The following PDE4D variants were observed in gnomAD, a reference collection of about 807,000 sequenced individuals.
The protein encoded by PDE4D is 3',5'-cyclic-AMP phosphodiesterase 4D.
In PDE4D, 24 loss-of-function variants were observed where a neutral mutation model predicts 87.4. The ratio of observed to expected loss-of-function variants is 0.27; its 90% confidence interval spans 0.20 to 0.39. PDE4D has a LOEUF of 0.39. Ranked by LOEUF, PDE4D falls within the 10% of genes least tolerant of loss-of-function variation. The pLI is 1.00. For missense variants in PDE4D, 714 were observed against 1,041.0 expected, an observed-to-expected ratio of 0.69 and a Z score of 4.32; for synonymous variants, 384 against 383.2, an observed-to-expected ratio of 1.00 and a Z score of -0.02.
intron 5 of PDE4D, among the ~76,000 whole-genome samples, chr5:59,176,594 T>C (rs1295661219): frequency 6.6e-6 from 1 of 152,032 alleles, no homozygotes; most frequent in Non-Finnish European, 1.5e-5. Flanking sequence ...CTGGCTTTAA[T>C]ACATGTCAAA....
intron 1 of PDE4D, among the ~76,000 whole-genome samples, chr5:59,465,363 T>C (rs1438700567): frequency 6.6e-6 from 1 of 152,126 alleles, no homozygotes; most frequent in African/African-American, 2.4e-5. Flanking sequence ...GGAACACATA[T>C]CCATACATGT....
chr5:60,018,241 C>T (rs1765714444), intron 2 of PDE4D, among the ~76,000 whole-genome samples: 1 of 151,438 alleles, frequency 6.6e-6, no homozygotes, highest in Admixed American at 6.6e-5. Context: ...AGCAGCCAAA[C>T]TAAACTTCAT....
At chr5:60,186,169 T>C (rs1052453340) in intron 1 of PDE4D, among the ~76,000 whole-genome samples, 2 of 152,168 alleles carry the variant, frequency 1.3e-5, no homozygotes, top group East Asian at 1.9e-4. Context: ...CAATAATCAA[T>C]AGTACCTTGA....
At chr5:59,942,445 C>T (rs1340021510) in intron 3 of PDE4D, among the ~76,000 whole-genome samples, 3 of 152,110 alleles carry the variant, frequency 2.0e-5, no homozygotes, top group Non-Finnish European at 2.9e-5. Flanking sequence ...CATGGAAGCC[C>T]TTTAATCAGC....
chr5:59,323,124 A>G (rs1405055246), intron 1 of PDE4D, among the ~76,000 whole-genome samples: 2 of 152,214 alleles, frequency 1.3e-5, no homozygotes, highest in South Asian at 2.1e-4. Context: ...GACTGTTATC[A>G]TTCCTTAAAT....
intron 2 of PDE4D, among the ~76,000 whole-genome samples, chr5:60,048,401 T>C (rs1769599859): frequency 6.6e-6 from 1 of 152,174 alleles, no homozygotes; most frequent in African/African-American, 2.4e-5. Context: ...AATTTGGTCC[T>C]GTCATTACGA....
chr5:59,033,418 C>T (rs1757933953), intron 6 of PDE4D, among the ~76,000 whole-genome samples: 1 of 152,160 alleles, frequency 6.6e-6, no homozygotes, highest in African/African-American at 2.4e-5. Flanking sequence ...AAACTGCTCC[C>T]CTACTAGAGC....
At chr5:59,268,802 G>A (rs570600779) in intron 1 of PDE4D, among the ~76,000 whole-genome samples, 1 of 152,056 alleles carries the variant, frequency 6.6e-6, no homozygotes, top group South Asian at 2.1e-4. Flanking sequence ...ATATCGCTCA[G>A]CATCTTTCCC....
intron 1 of PDE4D, among the ~76,000 whole-genome samples, chr5:59,566,895 G>A (rs981930998): frequency 6.6e-6 from 1 of 151,926 alleles, no homozygotes; most frequent in Non-Finnish European, 1.5e-5. Context: ...AAACATGTTT[G>A]CTTGTGGGGT....
chr5:59,469,491 C>T (rs751986723), intron 1 of PDE4D, among the ~76,000 whole-genome samples: 8 of 152,114 alleles, frequency 5.3e-5, no homozygotes, highest in East Asian at 1.9e-4. Context: ...TGTATAGATA[C>T]GATGTCTTTG....
chr5:59,756,932 G>A (rs1405543494), intron 1 of PDE4D, among the ~76,000 whole-genome samples: 2 of 151,092 alleles, frequency 1.3e-5, no homozygotes, highest in East Asian at 1.9e-4. Flanking sequence ...CGAGTAGCTC[G>A]GATTACAGGC....
intron 1 of PDE4D, among the ~76,000 whole-genome samples, chr5:59,797,555 C>G (rs1766633032): frequency 6.6e-6 from 1 of 152,168 alleles, no homozygotes; most frequent in South Asian, 2.1e-4. Context: ...GAGGATCACT[C>G]TTTAACTGTA....
intron 1 of PDE4D, among the ~76,000 whole-genome samples, chr5:60,376,671 G>A (rs562554853): frequency 5.3e-5 from 8 of 152,054 alleles, no homozygotes; most frequent in Non-Finnish European, 7.4e-5. Context: ...ACTCTTCATC[G>A]GCATCTCTGG....
intron 1 of PDE4D, among the ~76,000 whole-genome samples, chr5:60,392,669 C>A (rs1380830073): frequency 2.0e-5 from 3 of 152,210 alleles, no homozygotes; most frequent in African/African-American, 4.8e-5. Flanking sequence ...TGCTATGTAG[C>A]TATAAATCCC....
intron 5 of PDE4D, among the ~76,000 whole-genome samples, chr5:59,136,600 C>T (rs1362007941): frequency 6.6e-6 from 1 of 151,926 alleles, no homozygotes; most frequent in East Asian, 1.9e-4. Context: ...TACAAAAGGG[C>T]CCCAAGATAC....
intron 1 of PDE4D, among the ~76,000 whole-genome samples, chr5:59,475,570 A>C (rs1235583943): frequency 6.6e-6 from 1 of 152,106 alleles, no homozygotes; most frequent in Non-Finnish European, 1.5e-5. Flanking sequence ...AATTAATCAG[A>C]GTTAACTTTA....
At chr5:59,807,767 G>A (rs571804942) in intron 1 of PDE4D, among the ~76,000 whole-genome samples, 3 of 152,328 alleles carry the variant, frequency 2.0e-5, no homozygotes, top group African/African-American at 7.2e-5. Flanking sequence ...CAAGGAAGTA[G>A]GCCAGAGCTT....
chr5:59,465,901 G>C (rs1418505348), intron 1 of PDE4D, among the ~76,000 whole-genome samples: 3 of 152,142 alleles, frequency 2.0e-5, no homozygotes, highest in Admixed American at 6.6e-5. Flanking sequence ...TCAGACTCAG[G>C]TGGACTTAGT....
intron 1 of PDE4D, among the ~76,000 whole-genome samples, chr5:59,241,227 A>G (rs1757599117): frequency 6.6e-6 from 1 of 152,212 alleles, no homozygotes; most frequent in Non-Finnish European, 1.5e-5. Context: ...ATAACTATCA[A>G]TAAAAGGGCA....
Sources: gnomAD v4.1 joint callset for allele counts (sites outside exome capture counted in the v4.1 genomes callset) on GRCh38, gnomAD v4.1.1 for gene constraint, MANE v1.5 for transcripts, NCBI Gene and HGNC (gene_info 2026-07-23, HGNC 2026-07-21) for gene names.